Variants in ZFAND6 observed in about 807,000 individuals in gnomAD.
ZFAND6 encodes zinc finger AN1-type containing 6.
In ZFAND6, 12 loss-of-function variants were observed where a neutral mutation model predicts 24.5. That is an observed-to-expected ratio of 0.49 (90% CI 0.31 to 0.79). The LOEUF is 0.79. ZFAND6 is among the 30% of genes least tolerant of loss of function. The pLI, the probability that ZFAND6 is intolerant of heterozygous loss-of-function variation, is 0.04. For missense variants in ZFAND6, 207 were observed against 245.9 expected (o/e 0.84, Z 1.06); for synonymous variants, 92 against 81.5 (o/e 1.13, Z -0.69).
At chr15:80,097,720 A>G (rs1224508915) in intron 1 of ZFAND6, among the ~76,000 whole-genome samples, 1 of 152,200 alleles carries the variant, frequency 6.6e-6, no homozygotes, top group South Asian at 2.1e-4. Context: ...ATGACTGCCT[A>G]TGTAATACAT....
At chr15:80,096,122 C>T (rs2038708896) in intron 1 of ZFAND6, among the ~76,000 whole-genome samples, 1 of 152,208 alleles carries the variant, frequency 6.6e-6, no homozygotes. Flanking sequence ...GAACCAGTTC[C>T]TAACATCTCC....
At chr15:80,085,288 C>T (rs1449284431) in intron 1 of ZFAND6, among the ~76,000 whole-genome samples, 3 of 152,222 alleles carry the variant, frequency 2.0e-5, no homozygotes, top group Non-Finnish European at 2.9e-5. Context: ...TGACTTTCCA[C>T]TACTGTGAAT....
At chr15:80,076,275 A>G (rs964904694) in intron 1 of ZFAND6, among the ~76,000 whole-genome samples, 3 of 152,126 alleles carry the variant, frequency 2.0e-5, no homozygotes, top group Non-Finnish European at 2.9e-5. Flanking sequence ...CAAATGGGTG[A>G]TACTGCCACC....
At chr15:80,080,974 C>G (rs969419953) in intron 1 of ZFAND6, among the ~76,000 whole-genome samples, 2 of 152,184 alleles carry the variant, frequency 1.3e-5, no homozygotes, top group Non-Finnish European at 2.9e-5. Context: ...CAGGCCCCAC[C>G]TCCGATACTG....
chr15:80,111,641 C>T (rs539732725), intron 2 of ZFAND6: 2 of 346,722 alleles, frequency 5.8e-6, no homozygotes, highest in East Asian at 8.0e-5. Context: ...AAATTTTTCT[C>T]ATAAGTTTTT....
intron 2 of ZFAND6, among the ~76,000 whole-genome samples, chr15:80,118,185 G>A (rs528235137): frequency 2.6e-5 from 4 of 152,108 alleles, no homozygotes; most frequent in Admixed American, 6.6e-5. Flanking sequence ...GTAGTGGTGC[G>A]ATCCCGGCTC....
chr15:80,118,003 T>TC (rs1422047597), intron 2 of ZFAND6, among the ~76,000 whole-genome samples: 1 of 146,258 alleles, frequency 6.8e-6, no homozygotes, highest in East Asian at 2.0e-4. Flanking sequence ...TGGGATTCAA[T>TC]CCAGGTATTG....
chr15:80,108,743 T>TC (rs397949399), intron 2 of ZFAND6, among the ~76,000 whole-genome samples: 1 of 150,996 alleles, frequency 6.6e-6, no homozygotes, highest in Non-Finnish European at 1.5e-5. Flanking sequence ...TTGTTTTTTT[T>TC]CTTTTTTTTT....
intron 3 of ZFAND6, 136 bp from the exon 4 acceptor site, chr15:80,121,576 A>G (rs183105369): frequency 9.9e-5 from 55 of 553,032 alleles, no homozygotes; most frequent in African/African-American, 9.9e-4. Flanking sequence ...TTTTAAAAAT[A>G]ATGAACCAAC....
intron 1 of ZFAND6, among the ~76,000 whole-genome samples, chr15:80,063,330 C>G (rs1412788744): frequency 5.3e-5 from 8 of 152,060 alleles, no homozygotes; most frequent in African/African-American, 1.4e-4. Context: ...TTTAGACTGT[C>G]TTTATAATTT....
chr15:80,112,248 G>A (rs749708110), intron 2 of ZFAND6, among the ~76,000 whole-genome samples: 4 of 152,136 alleles, frequency 2.6e-5, no homozygotes, highest in Non-Finnish European at 4.4e-5. Context: ...CAACAAGAGC[G>A]AAACTCCATC....
intron 5 of ZFAND6, among the ~76,000 whole-genome samples, chr15:80,125,407 C>G (rs1002235438): frequency 6.6e-6 from 1 of 152,150 alleles, no homozygotes; most frequent in Admixed American, 6.5e-5. Context: ...TATGTCTAAG[C>G]CAGAAGTTTG....
In ZFAND6 at chr15:80,131,169, A is replaced by AT; in HGVS notation, c.365-6dup. The AT allele has an allele frequency of 6.5e-7, 1 of 1,532,720 alleles. No homozygotes were observed. Among genetic ancestry groups the AT allele is most frequent in the Non-Finnish European group, 8.8e-7 (1 of 1,133,968 alleles). The allele number at this position is 1,532,720 out of a possible 1,614,324, so 94.9% of individuals were successfully genotyped here. On this transcript the variant is annotated splice_polypyrimidine_tract_variant and intron_variant, in intron 5 of 6. Transcript: ENST00000261749. ...AATAATTAAATTTTGCCACCTTCGT[A>AT]TTTTTGTTAGCTTCAGTATCAGACA...
At chr15:80,084,992 A>AAC (rs1230597023) in intron 1 of ZFAND6, among the ~76,000 whole-genome samples, 1 of 152,230 alleles carries the variant, frequency 6.6e-6, no homozygotes, top group African/African-American at 2.4e-5. Flanking sequence ...TTCTGTAATG[A>AAC]ACAAGATACT....
chr15:80,116,394 G>A (rs749500587), intron 2 of ZFAND6, among the ~76,000 whole-genome samples: 2 of 152,058 alleles, frequency 1.3e-5, no homozygotes, highest in Non-Finnish European at 2.9e-5. Flanking sequence ...CTGAGAAAAT[G>A]TTTTAAGTAC....
intron 2 of ZFAND6, among the ~76,000 whole-genome samples, chr15:80,110,922 C>T (rs2039575487): frequency 6.6e-6 from 1 of 152,150 alleles, no homozygotes; most frequent in Non-Finnish European, 1.5e-5. Context: ...CTGAGACAGG[C>T]CTGGCCCTGG....
chr15:80,122,572 T>TA (rs1434024353), intron 4 of ZFAND6, 128 bp from the exon 5 acceptor site: 9 of 604,276 alleles, frequency 1.5e-5, no homozygotes, highest in Admixed American at 3.1e-5. Context: ...TTTAAGTTAT[T>TA]AAAAAAAAGT....
intron 1 of ZFAND6, among the ~76,000 whole-genome samples, chr15:80,087,898 T>TATATGCATTGTATATATAATAC (rs1230066648): frequency 1.3e-5 from 2 of 152,150 alleles, no homozygotes; most frequent in African/African-American, 4.8e-5. Flanking sequence ...GCACATACTA[T>TATATGCATTGTATATATAATAC]ATATGCATTG....
At chr15:80,082,409 A>G (rs1042637476) in intron 1 of ZFAND6, among the ~76,000 whole-genome samples, 2 of 152,210 alleles carry the variant, frequency 1.3e-5, no homozygotes, top group East Asian at 1.9e-4. Flanking sequence ...AGATAGGACA[A>G]ATTGACAAAG....
Sources: allele counts gnomAD v4.1 joint callset (sites outside exome capture counted in the v4.1 genomes callset), GRCh38; gene constraint gnomAD v4.1.1; transcripts MANE v1.5; gene names NCBI Gene and HGNC (gene_info 2026-07-23, HGNC 2026-07-21).